The following RFX2 variants were observed in gnomAD, a reference collection of about 807,000 sequenced individuals.
The protein encoded by RFX2 is DNA-binding protein RFX2.
RFX2 carries 20 observed loss-of-function variants against 87.8 expected under a neutral mutation model. The ratio of observed to expected loss-of-function variants is 0.23; its 90% confidence interval spans 0.16 to 0.33. RFX2 has a LOEUF of 0.33. Ranked by LOEUF, RFX2 falls within the 10% of genes least tolerant of loss-of-function variation. RFX2 has a pLI of 1.00. For synonymous variants in RFX2, 397 were observed against 431.3 expected, an observed-to-expected ratio of 0.92 and a Z score of 0.98; for missense variants, 767 against 1,012.3, an observed-to-expected ratio of 0.76 and a Z score of 3.29.
At chr19:6,051,408 C>T (rs1399986700) in intron 1 of RFX2, among the ~76,000 whole-genome samples, 1 of 152,094 alleles carries the variant, frequency 6.6e-6, no homozygotes, top group Non-Finnish European at 1.5e-5. Context: ...TTAAGTTATA[C>T]ATTCAAGGTT....
In RFX2 at chr19:6,101,484, C is replaced by T. The variant is rs1400907740; in HGVS notation, c.-9+8909G>A. 6.6e-6 allele frequency among the ~76,000 whole-genome samples: 1 copy of T among 152,180 alleles called. No individual in the cohort carries two copies. Among genetic ancestry groups the T allele is most frequent in the Admixed American group, 6.5e-5 (1 of 15,278 alleles). Reference sequence around the variant, plus strand: ...TTTGGAAACTGCTTCTAAGGCCTTTCCCCACAGATCACCTTTTGGACAGAA... The same window carrying T: ...TTTGGAAACTGCTTCTAAGGCCTTTTCCCACAGATCACCTTTTGGACAGAA... On this transcript the variant is annotated intron_variant, in intron 1 of 17. Transcript: ENST00000303657. This position sits in a 1 kb window ranked among gnomAD's most constrained non-coding sequence, Gnocchi z 4.9.
At chr19:6,035,156 G>A (rs76450148) in intron 5 of RFX2, among the ~76,000 whole-genome samples, 45 of 152,186 alleles carry the variant, frequency 3.0e-4, no homozygotes, top group Middle Eastern at 6.8e-3. Flanking sequence ...TTTTGTCTTC[G>A]TCAGGGCCCA....
At position 6,047,289 on chromosome 19, in the gene RFX2, G is replaced by C; in HGVS notation, c.90+118C>G. The C allele has an allele frequency of 1.3e-6, 1 of 776,748 alleles. No individual in the cohort carries two copies. The allele number at this position is 776,748 out of a possible 1,614,324, so 48.1% of individuals were successfully genotyped here. On this transcript the variant is annotated intron_variant, in intron 2 of 17. Transcript: ENST00000303657. This position sits in a 1 kb window ranked among gnomAD's most constrained non-coding sequence, Gnocchi z 4.2. ...TTTCAACAGCAGCAGCACTGGGACT[G>C]AGAAGTCCATTCAGAAAAATACAGA...
chr19:6,001,074 A>G lies in RFX2; in HGVS notation c.1859+741T>C, dbSNP rs2086484129. On this transcript the variant is annotated intron_variant, in intron 15 of 17. Transcript: ENST00000303657. The surrounding 1 kb of genome is among the most constrained non-coding windows in gnomAD (Gnocchi z 5.6). ...CACAGGTTAGGTCTGTAGCTTGGAAATGATTTCCCTTCAGAGCTCTCAGGA... is the reference window on the plus strand; with the variant it reads ...CACAGGTTAGGTCTGTAGCTTGGAAGTGATTTCCCTTCAGAGCTCTCAGGA... Among the ~76,000 whole-genome samples, 1 of 152,172 alleles carries G rather than the reference A, an allele frequency of 6.6e-6. No homozygotes were observed. Among genetic ancestry groups the G allele is most frequent in the African/African-American group, 2.4e-5 (1 of 41,432 alleles).
At chr19:6,079,805 G>C (rs1026111297) in intron 1 of RFX2, among the ~76,000 whole-genome samples, 3 of 150,658 alleles carry the variant, frequency 2.0e-5, no homozygotes, top group Non-Finnish European at 2.9e-5. Flanking sequence ...AAAATCACTT[G>C]AACCAGGGAG....
rs992098460 is a variant in RFX2, at chr19:6,011,094, C to T, written c.900-843G>A. ...TCACGCCATTGCACTCCAGCCTGGG[C>T]GACAAAAGCGAAACTCGGTCTCAAA... On this transcript the variant is annotated intron_variant, in intron 8 of 17. Transcript: ENST00000303657. The surrounding 1 kb of genome is among the most constrained non-coding windows in gnomAD (Gnocchi z 4.8). Among the ~76,000 whole-genome samples the T allele has an allele frequency of 7.3e-5, 11 of 150,612 alleles. No homozygotes were observed. The highest frequency in any genetic ancestry group is 2.6e-4 in the Admixed American group (4 of 15,138).
At position 6,001,853 on chromosome 19, in the gene RFX2, C is replaced by T. The variant is rs778156752; in HGVS notation, c.1821G>A (p.Lys607=). The T allele has an allele frequency of 6.2e-7, 1 of 1,613,120 alleles. No individual in the cohort carries two copies. The part of the protein sequence containing the change: ...KQHAGSPSFP[K]AARQFLLKWS... ...ATTTCAGCAAGAACTGCCGGGCGGC[C>T]TTGGGGAAGCTGGGGCTGCCGGCAT... Residue 607 remains lysine, a synonymous_variant, in exon 15 of 18, where the codon AAG becomes AAA. Transcript: ENST00000303657. This position sits in a 1 kb window ranked among gnomAD's most constrained non-coding sequence, Gnocchi z 5.6.
chr19:6,019,549 T>C (rs1373634666), intron 6 of RFX2, among the ~76,000 whole-genome samples: 2 of 145,570 alleles, frequency 1.4e-5, no homozygotes, highest in Non-Finnish European at 3.0e-5. Flanking sequence ...TGTGTGTATA[T>C]ACTTTTATAT....
chr19:6,075,082 C>T (rs1483454188), intron 1 of RFX2, among the ~76,000 whole-genome samples: 2 of 152,162 alleles, frequency 1.3e-5, no homozygotes, highest in African/African-American at 4.8e-5. Flanking sequence ...CAGCCATCTG[C>T]ATCCCAGAGG....
intron 1 of RFX2, among the ~76,000 whole-genome samples, chr19:6,067,172 TCAAA>T (rs1316318557): frequency 3.3e-5 from 5 of 152,292 alleles, no homozygotes; most frequent in African/African-American, 4.8e-5. Context: ...CTATTTATCA[TCAAA>T]CAAACAATGT....
At position 6,016,155 on chromosome 19, in the gene RFX2, G is replaced by A. The variant is rs140512544; in HGVS notation, c.714C>T (p.Ala238=). 285 of 1,614,070 alleles carry A rather than the reference G, an allele frequency of 1.8e-4. No individual in the cohort carries two copies. The African/African-American group carries it at 3.2e-3, about 18-fold the overall frequency. ...AACGGATCAGTTTCCCGAAGGAGGC[G>A]GCGTTCACTGGGTCTAGCTTGTGCT... is the stretch of plus-strand genomic sequence containing the variant. ...CQEHKLDPVN[A]ASFGKLIRSV... Residue 238 remains alanine, a synonymous_variant, in exon 7 of 18, where the codon GCC becomes GCT. Coordinates refer to ENST00000303657, the MANE Select transcript of RFX2 (RefSeq NM_000635.4). This position sits in a 1 kb window ranked among gnomAD's most constrained non-coding sequence, Gnocchi z 5.4.
chr19:6,016,905 G>A lies in RFX2; in HGVS notation c.598-634C>T, dbSNP rs142161323. ...ACCACACAGGCTTTAACACCAAATC[G>A]CTCCCCAACATACAGGAATGGAGAG... On this transcript the variant is annotated intron_variant, in intron 6 of 17. Transcript: ENST00000303657. This position sits in a 1 kb window ranked among gnomAD's most constrained non-coding sequence, Gnocchi z 5.4. Among the ~76,000 whole-genome samples the A allele has an allele frequency of 1.6e-4, 25 of 152,240 alleles. No individual in the cohort carries two copies. The highest frequency in any genetic ancestry group is 3.4e-3 in the Middle Eastern group (1 of 294).
intron 3 of RFX2, among the ~76,000 whole-genome samples, chr19:6,043,355 GAC>G (rs1475490123): frequency 6.6e-6 from 1 of 152,340 alleles, no homozygotes; most frequent in Non-Finnish European, 1.5e-5. Context: ...AGTTCTCATG[GAC>G]ACAGTCACCT....
rs1366150855 is a variant in RFX2, at chr19:6,021,927, C to CA, written c.597+4235dup. The stretch of plus-strand genomic sequence containing the variant: ...AGGTGGCCGAAAGAATCCACAGGGA[C>CA]AGTGGCGGCTCGGGAAGTAGTCGAA... On this transcript the variant is annotated intron_variant, in intron 6 of 17. Transcript: ENST00000303657. This position sits in a 1 kb window ranked among gnomAD's most constrained non-coding sequence, Gnocchi z 5.7. Among the ~76,000 whole-genome samples the CA allele has an allele frequency of 3.3e-5, 5 of 152,028 alleles. No homozygotes were observed. Among genetic ancestry groups the CA allele is most frequent in the Admixed American group, 2.6e-4 (4 of 15,270 alleles).
At chr19:6,097,858 C>T (rs1184027606) in intron 1 of RFX2, among the ~76,000 whole-genome samples, 1 of 152,144 alleles carries the variant, frequency 6.6e-6, no homozygotes, top group Non-Finnish European at 1.5e-5. Context: ...GTTGGGATTA[C>T]AGGCATGAGC....
In RFX2 at chr19:5,998,917, C is replaced by T. The variant is rs1049341972; in HGVS notation, c.1860-1704G>A. Among the ~76,000 whole-genome samples, 6 of 152,180 alleles carry T rather than the reference C, an allele frequency of 3.9e-5. No individual in the cohort carries two copies. Among genetic ancestry groups the T allele is most frequent in the African/African-American group, 1.4e-4 (6 of 41,434 alleles). ...TAGTGGGTGCTACAGAAATAAATCC[C>T]GTAAACCTAATTTTTATTTTTTATG... On this transcript the variant is annotated intron_variant, in intron 15 of 17. Transcript: ENST00000303657. This position sits in a 1 kb window ranked among gnomAD's most constrained non-coding sequence, Gnocchi z 4.2.
In RFX2 at chr19:6,019,037, T is replaced by C. The variant is rs148964724; in HGVS notation, c.598-2766A>G. ...GCCTCCTGCCGCCTGCAGGGCCCTGTGTGAAGTGCAGTGTCCCCCACCCCC... is the reference window on the plus strand; with the variant it reads ...GCCTCCTGCCGCCTGCAGGGCCCTGCGTGAAGTGCAGTGTCCCCCACCCCC... On this transcript the variant is annotated intron_variant, in intron 6 of 17. Coordinates refer to ENST00000303657, the MANE Select transcript of RFX2 (RefSeq NM_000635.4). Among the ~76,000 whole-genome samples the C allele has an allele frequency of 8.6e-5, 13 of 151,982 alleles. No homozygotes were observed. The East Asian group carries it at 1.9e-3, about 23-fold the overall frequency.
intron 5 of RFX2, among the ~76,000 whole-genome samples, chr19:6,028,213 A>AC (rs989108869): frequency 6.6e-6 from 1 of 151,524 alleles, no homozygotes; most frequent in African/African-American, 2.4e-5. Flanking sequence ...TTAAAAAAAA[A>AC]AACAACAAAA....
chr19:6,003,411 C>A (rs2086521673), intron 13 of RFX2, among the ~76,000 whole-genome samples: 1 of 152,098 alleles, frequency 6.6e-6, no homozygotes, highest in South Asian at 2.1e-4. Flanking sequence ...TGCATCACTG[C>A]CTAACAGATC....
Sources: allele counts gnomAD v4.1 joint callset (sites outside exome capture counted in the v4.1 genomes callset), GRCh38; gene constraint gnomAD v4.1.1; non-coding constraint Gnocchi (gnomAD v3.1); transcripts MANE v1.5; gene names NCBI Gene and HGNC (gene_info 2026-07-23, HGNC 2026-07-21).